Variants in UGGT2 observed in about 807,000 individuals in gnomAD.
The protein encoded by UGGT2 is UDP-glucose:glycoprotein glucosyltransferase 2.
A neutral mutation model predicts 192.1 loss-of-function variants in UGGT2; 180 were observed. That is an observed-to-expected ratio of 0.94 (90% CI 0.83 to 1.06). The LOEUF (loss-of-function observed/expected upper bound fraction) is 1.06. UGGT2 is among the 50% of genes least tolerant of loss of function. UGGT2 has a pLI of 0.00. For missense variants in UGGT2, 1,849 were observed against 1,795.7 expected, an observed-to-expected ratio of 1.03 and a Z score of -0.54; for synonymous variants, 580 against 591.0, an observed-to-expected ratio of 0.98 and a Z score of 0.27.
intron 36 of UGGT2, among the ~76,000 whole-genome samples, chr13:95,852,432 C>G (rs939249293): frequency 5.3e-5 from 8 of 152,152 alleles, no homozygotes; most frequent in African/African-American, 9.7e-5. Flanking sequence ...CCTGCAAGCC[C>G]CAGCCCCTAT....
intron 21 of UGGT2, among the ~76,000 whole-genome samples, chr13:95,901,257 A>T (rs59846937): frequency 2.0e-4 from 31 of 152,234 alleles, no homozygotes; most frequent in African/African-American, 7.2e-4. Context: ...GAAATTAAAT[A>T]TTTATTAAAT....
At chr13:96,013,067 TTTG>T (rs1252641340) in intron 5 of UGGT2, among the ~76,000 whole-genome samples, 1 of 152,072 alleles carries the variant, frequency 6.6e-6, no homozygotes, top group African/African-American at 2.4e-5. Flanking sequence ...GAAGTATGTT[TTTG>T]TTTTTTATCC....
chr13:95,999,317 C>T lies in UGGT2; in HGVS notation c.661-10G>A, dbSNP rs1240317487. The T allele has an allele frequency of 6.2e-7, 1 of 1,611,888 alleles. No homozygotes were observed. Among genetic ancestry groups the T allele is most frequent in the South Asian group, 1.1e-5 (1 of 90,960 alleles). ...TCCGTGAGCTTGGTTTCTGTTCAAACACATTTATTTTATAAAAAGCGAAAA... is the reference window on the plus strand; with the variant it reads ...TCCGTGAGCTTGGTTTCTGTTCAAATACATTTATTTTATAAAAAGCGAAAA... On this transcript the variant is annotated splice_polypyrimidine_tract_variant and intron_variant, in intron 5 of 38. Coordinates refer to ENST00000376747, the MANE Select transcript of UGGT2 (RefSeq NM_020121.4).
chr13:95,853,742 G>C, intron 35 of UGGT2, 85 bp from the exon 36 acceptor site: 1 of 809,578 alleles, frequency 1.2e-6, no homozygotes, highest in Non-Finnish European at 1.9e-6. Context: ...CTACAGTGAC[G>C]GTATTAACTA....
Position 95,937,082 on chromosome 13 carries a change from C to T in UGGT2, c.1819G>A (p.Ala607Thr). Reference sequence around the variant, plus strand: ...AGGCCAGTCATCTTATAAAAGCTTGCTCCAGCCTATTCAGTTAAAAAATAT... The same window carrying T: ...AGGCCAGTCATCTTATAAAAGCTTGTTCCAGCCTATTCAGTTAAAAAATAT... ...SKYDEERKAG[A>T]SFYKMTGLGP... Residue 607 changes from alanine to threonine, a missense_variant, in exon 17 of 39, where the codon GCA becomes ACA. Coordinates refer to ENST00000376747, the MANE Select transcript of UGGT2 (RefSeq NM_020121.4). The T allele has an allele frequency of 6.3e-7, 1 of 1,593,752 alleles. No homozygotes were observed. The highest frequency in any genetic ancestry group is 8.5e-7 in the Non-Finnish European group (1 of 1,175,510).
chr13:95,854,559 C>G lies in UGGT2; in HGVS notation c.4009-84G>C. 3 of 1,223,392 alleles carry G rather than the reference C, an allele frequency of 2.5e-6. No homozygotes were observed. In the South Asian group the frequency reaches 5.3e-5, roughly 22 times the overall value. The allele number at this position is 1,223,392 out of a possible 1,614,324, so 75.8% of individuals were successfully genotyped here. On this transcript the variant is annotated intron_variant, in intron 34 of 38. Transcript: ENST00000376747. ...ATGGGAATCTCAAATCATTATTACT[C>G]TACTACAGAAATCCAAAGAGCTGTA...
intron 17 of UGGT2, among the ~76,000 whole-genome samples, chr13:95,928,014 G>T (rs1209830900): frequency 6.6e-6 from 1 of 152,214 alleles, no homozygotes; most frequent in South Asian, 2.1e-4. Flanking sequence ...TCCCAAGGCA[G>T]AAGAATTTTT....
intron 24 of UGGT2, among the ~76,000 whole-genome samples, chr13:95,891,837 T>C (rs964773749): frequency 4.6e-5 from 7 of 152,234 alleles, no homozygotes; most frequent in Non-Finnish European, 8.8e-5. Context: ...AGGGGATTAA[T>C]TGCTCAGCAA....
chr13:95,896,961 A>G (rs1179783644), intron 22 of UGGT2, among the ~76,000 whole-genome samples: 1 of 152,100 alleles, frequency 6.6e-6, no homozygotes, highest in Non-Finnish European at 1.5e-5. Flanking sequence ...TCATCCACAT[A>G]CTGAGCTAAA....
At position 95,942,714 on chromosome 13, in the gene UGGT2, T is replaced by C. The variant is rs116465823; in HGVS notation, c.1678-2623A>G. Among the ~76,000 whole-genome samples, 1,404 of 152,268 alleles carry C rather than the reference T, an allele frequency of 9.2e-3. 20 individuals are homozygous for C. The highest frequency in any genetic ancestry group is 0.032 in the African/African-American group (1,337 of 41,564). ...GAATATAAATATTTTATTGGCCATA[T>C]GTATTGTAAATACTTCTCCTGCTTA... On this transcript the variant is annotated intron_variant, in intron 15 of 38. Coordinates refer to ENST00000376747, the MANE Select transcript of UGGT2 (RefSeq NM_020121.4).
chr13:96,002,515 C>A (rs752273834), intron 5 of UGGT2, among the ~76,000 whole-genome samples: 1 of 152,154 alleles, frequency 6.6e-6, no homozygotes, highest in Non-Finnish European at 1.5e-5. Flanking sequence ...ACAGAGGCAT[C>A]CAAATATTTA....
intron 33 of UGGT2, 199 bp from the exon 34 acceptor site, chr13:95,856,539 A>G (rs1889635335): frequency 1.9e-6 from 1 of 535,068 alleles, no homozygotes; most frequent in Non-Finnish European, 3.2e-6. Flanking sequence ...ACAAGTATAA[A>G]TAAAACTATA....
At chr13:95,975,201 T>C (rs2050899179) in intron 10 of UGGT2, among the ~76,000 whole-genome samples, 1 of 152,166 alleles carries the variant, frequency 6.6e-6, no homozygotes, top group African/African-American at 2.4e-5. Flanking sequence ...CTAAAGACCT[T>C]GCCTGGAGGA....
intron 22 of UGGT2, among the ~76,000 whole-genome samples, chr13:95,896,683 A>G (rs574542174): frequency 2.0e-5 from 3 of 152,266 alleles, no homozygotes; most frequent in Admixed American, 2.0e-4. Flanking sequence ...TACATTAAGC[A>G]CAGCATCAAA....
intron 20 of UGGT2, among the ~76,000 whole-genome samples, chr13:95,910,796 C>T (rs1251307752): frequency 6.6e-6 from 1 of 152,120 alleles, no homozygotes; most frequent in African/African-American, 2.4e-5. Flanking sequence ...TTCTTTGGAG[C>T]ACCGCATTGC....
intron 1 of UGGT2, among the ~76,000 whole-genome samples, chr13:96,047,345 A>T (rs2053346348): frequency 6.6e-6 from 1 of 152,186 alleles, no homozygotes; most frequent in Admixed American, 6.5e-5. Flanking sequence ...TGCTGTAGAT[A>T]CCCAGGCAAA....
chr13:95,806,393 C>G (rs976330292), intron 38 of UGGT2, among the ~76,000 whole-genome samples: 3 of 152,048 alleles, frequency 2.0e-5, no homozygotes, highest in Non-Finnish European at 4.4e-5. Flanking sequence ...TACTGGAGAT[C>G]CAGTTGGTGT....
At chr13:95,967,833 T>C (rs1484001891) in intron 12 of UGGT2, among the ~76,000 whole-genome samples, 3 of 152,208 alleles carry the variant, frequency 2.0e-5, no homozygotes, top group African/African-American at 7.2e-5. Context: ...CTAGTTTTTA[T>C]CAATAGGTAT....
At chr13:95,810,762 A>C (rs115365313) in intron 38 of UGGT2, among the ~76,000 whole-genome samples, 245 of 152,362 alleles carry the variant, frequency 1.6e-3, no homozygotes, top group African/African-American at 5.4e-3. Flanking sequence ...AAGACAAAAA[A>C]ACCTGAGTAT....
Sources: allele counts gnomAD v4.1 joint callset (sites outside exome capture counted in the v4.1 genomes callset), GRCh38; gene constraint gnomAD v4.1.1; transcripts MANE v1.5; gene names NCBI Gene and HGNC (gene_info 2026-07-23, HGNC 2026-07-21).